The following TUBB8B variants were observed in gnomAD, a reference collection of about 807,000 sequenced individuals.
TUBB8B encodes HSA18p11 beta-tubulin 4Q pseudogene.
TUBB8B carries 26 observed loss-of-function variants against 31.9 expected under a neutral mutation model. The observed-to-expected ratio is 0.81, with a 90% CI of 0.60 to 1.13. TUBB8B has a LOEUF of 1.13. Ranked by LOEUF, TUBB8B falls within the 50% of genes most tolerant of loss-of-function variation. TUBB8B has a pLI of 0.00. For synonymous variants in TUBB8B, 173 were observed against 231.0 expected, an observed-to-expected ratio of 0.75 and a Z score of 2.28; for missense variants, 467 against 586.7, an observed-to-expected ratio of 0.80 and a Z score of 2.11.
At chr18:57,111 A>T in the TUBB8B span, among the ~76,000 whole-genome samples, 1 of 151,702 alleles carries the variant, frequency 6.6e-6, no homozygotes, top group South Asian at 2.1e-4. Flanking sequence ...GGGAACACAC[A>T]CCTAAACTAT....
chr18:63,413 T>C, the TUBB8B span, among the ~76,000 whole-genome samples: 1 of 151,638 alleles, frequency 6.6e-6, no homozygotes, highest in South Asian at 2.1e-4. Flanking sequence ...GAGATTCTAG[T>C]TCTCTTCCCT....
the TUBB8B span, among the ~76,000 whole-genome samples, chr18:63,938 T>C: frequency 8.0e-6 from 1 of 124,810 alleles, no homozygotes; most frequent in African/African-American, 3.2e-5. Context: ...AGCCTTAGCC[T>C]TAACCCTTAC....
upstream of TUBB8B, among the ~76,000 whole-genome samples, chr18:53,909 C>T (rs900288276): frequency 6.6e-6 from 1 of 151,610 alleles, no homozygotes; most frequent in African/African-American, 2.4e-5. Context: ...CAATGGAAAC[C>T]AAATCAAATT....
chr18:50,315 G>C (rs1223080869), upstream of TUBB8B: 1 of 178,978 alleles, frequency 5.6e-6, no homozygotes, highest in Non-Finnish European at 1.2e-5. Context: ...TTCAGATGGG[G>C]TGGGGAATGC....
At chr18:69,388 C>G in the TUBB8B span, among the ~76,000 whole-genome samples, 899 of 152,282 alleles carry the variant, frequency 5.9e-3, 5 homozygotes, top group Non-Finnish European at 9.8e-3. Context: ...GGCTTGAGCC[C>G]GGGAGGATGC....
the TUBB8B span, among the ~76,000 whole-genome samples, chr18:65,575 C>T: frequency 1.3e-5 from 2 of 152,168 alleles, no homozygotes; most frequent in African/African-American, 4.8e-5. Flanking sequence ...ATTTTCTAAA[C>T]ACCACAATCG....
At chr18:63,649 T>A in the TUBB8B span, among the ~76,000 whole-genome samples, 1 of 148,684 alleles carries the variant, frequency 6.7e-6, no homozygotes, top group East Asian at 2.0e-4. Flanking sequence ...CCCCAAACCC[T>A]AACCCTAGCC....
At chr18:59,515 G>A in the TUBB8B span, among the ~76,000 whole-genome samples, 1 of 150,220 alleles carries the variant, frequency 6.7e-6, no homozygotes, top group African/African-American at 2.4e-5. Context: ...TTAGCATAAT[G>A]GAAATGATTA....
At chr18:50,717 GTTC>G (rs1285885502), upstream of TUBB8B, among the ~76,000 whole-genome samples, 2 of 151,822 alleles carry the variant, frequency 1.3e-5, no homozygotes, top group Admixed American at 6.6e-5. Context: ...GCCCATTTTT[GTTC>G]TTCTTCAGGG....
chr18:70,401 G>A, the TUBB8B span, among the ~76,000 whole-genome samples: 2 of 152,156 alleles, frequency 1.3e-5, no homozygotes, highest in African/African-American at 4.8e-5. Context: ...GGGAGGACAA[G>A]GCGGGCAGAT....
chr18:68,895 C>T, the TUBB8B span, among the ~76,000 whole-genome samples: 1 of 152,164 alleles, frequency 6.6e-6, no homozygotes, highest in Non-Finnish European at 1.5e-5. Flanking sequence ...GTATTTAATG[C>T]ATGTTCCCTC....
upstream of TUBB8B, among the ~76,000 whole-genome samples, chr18:51,655 G>C (rs185387266): frequency 9.3e-4 from 142 of 151,908 alleles, 3 homozygotes; most frequent in Non-Finnish European, 3.4e-4. Flanking sequence ...GGCCAGGCTG[G>C]CCTCGATTTC....
chr18:63,600 T>C, the TUBB8B span, among the ~76,000 whole-genome samples: 1 of 150,402 alleles, frequency 6.6e-6, no homozygotes, highest in Non-Finnish European at 1.5e-5. Flanking sequence ...GGCTACCATA[T>C]AACTTTATTA....
At chr18:66,480 G>C in the TUBB8B span, among the ~76,000 whole-genome samples, 4 of 146,688 alleles carry the variant, frequency 2.7e-5, no homozygotes, top group East Asian at 7.7e-4. Context: ...GAGCCCCGGA[G>C]ATAGAGGCTG....
At chr18:71,561 A>C in the TUBB8B span, among the ~76,000 whole-genome samples, 15 of 118,866 alleles carry the variant, frequency 1.3e-4, no homozygotes, top group Non-Finnish European at 1.9e-4. Flanking sequence ...AACAAACAAA[A>C]AAAAATTTAA....
At chr18:69,542 A>C in the TUBB8B span, among the ~76,000 whole-genome samples, 5 of 152,234 alleles carry the variant, frequency 3.3e-5, no homozygotes, top group African/African-American at 1.2e-4. Context: ...AAAACACCTA[A>C]ATAAAAGCTT....
chr18:72,177 C>CAA, the TUBB8B span, among the ~76,000 whole-genome samples: 164 of 78,498 alleles, frequency 2.1e-3, no homozygotes, highest in African/African-American at 2.6e-3. Context: ...GACTCCATCT[C>CAA]AAAAAAAAAA....
upstream of TUBB8B, among the ~76,000 whole-genome samples, chr18:52,284 G>C (rs1308125984): frequency 6.6e-6 from 1 of 151,826 alleles, no homozygotes; most frequent in African/African-American, 2.4e-5. Context: ...CCAGGCTACT[G>C]CAAAACGGAG....
the TUBB8B span, among the ~76,000 whole-genome samples, chr18:56,490 C>G: frequency 6.6e-6 from 1 of 151,664 alleles, no homozygotes; most frequent in African/African-American, 2.4e-5. Context: ...TCTTCTCTTT[C>G]ATTTCTTTTA....
Sources: allele counts gnomAD v4.1 joint callset (sites outside exome capture counted in the v4.1 genomes callset), GRCh38; gene constraint gnomAD v4.1.1; transcripts MANE v1.5; gene names NCBI Gene and HGNC (gene_info 2026-07-23, HGNC 2026-07-21).